The following CNTNAP4 variants were observed in gnomAD, a reference collection of about 807,000 sequenced individuals.
CNTNAP4 encodes contactin-associated protein-like 4.
Under a neutral mutation model 148.4 loss-of-function variants are expected in CNTNAP4, and 98 were observed. The ratio of observed to expected loss-of-function variants is 0.66; its 90% CI spans 0.56 to 0.78. The LOEUF is 0.78. CNTNAP4 is among the 30% of genes least tolerant of loss of function. CNTNAP4 has a pLI of 0.00. For missense variants in CNTNAP4, 1,935 were observed against 1,565.6 expected (o/e 1.24, Z -3.98); for synonymous variants, 730 against 565.1 (o/e 1.29, Z -4.14).
rs146482811 is a variant in CNTNAP4 at position 76,470,482 on chromosome 16, A to ATATATATATATATATATAT, written c.1655+2959_1655+2960insTATATATATATATATATAT. ...ATAGCAAAACCACGTCTCTACTAAT[A>ATATATATATATATATATAT]ATATATATATATATAAAATTAGTCG... On this transcript the variant is annotated intron_variant, in intron 10 of 23. Coordinates refer to ENST00000611870, the MANE Select transcript of CNTNAP4 (RefSeq NM_033401.5). Among the ~76,000 whole-genome samples, 89 of 96,974 alleles carry ATATATATATATATATATAT rather than the reference A, an allele frequency of 9.2e-4. 5 individuals are homozygous for ATATATATATATATATATAT. The East Asian group carries it at 0.01, about 11-fold the overall frequency. The allele number at this position is 96,974 out of a possible 152,430, so 63.6% of individuals were successfully genotyped here.
intron 3 of CNTNAP4, among the ~76,000 whole-genome samples, chr16:76,385,650 G>C (rs1180900742): frequency 6.6e-6 from 1 of 152,074 alleles, no homozygotes; most frequent in African/African-American, 2.4e-5. Flanking sequence ...CTGAATTAGA[G>C]AGTAGTGGGT....
intron 3 of CNTNAP4, among the ~76,000 whole-genome samples, chr16:76,366,391 T>G (rs2014138892): frequency 6.6e-6 from 1 of 152,198 alleles, no homozygotes. Context: ...GCATTTGGTT[T>G]TCTGTTCGTG....
chr16:76,492,595 G>A lies in CNTNAP4; in HGVS notation c.2081-2315G>A, dbSNP rs576879624. The stretch of plus-strand genomic sequence containing the variant: ...CACCTTGAATTGTAATAATCCTCAC[G>A]TGTCAAGGGCGGGGCCAGATGGAGA... On this transcript the variant is annotated intron_variant, in intron 13 of 23. Transcript: ENST00000611870. 5.3e-5 allele frequency among the ~76,000 whole-genome samples: 8 copies of A among 152,264 alleles called. No homozygotes were observed. In the South Asian group the frequency reaches 6.2e-4, roughly 12 times the overall value.
chr16:76,355,840 T>TTTTATTTATTTATTTATTTA (rs138725617), intron 3 of CNTNAP4, among the ~76,000 whole-genome samples: 3 of 141,718 alleles, frequency 2.1e-5, no homozygotes, highest in Non-Finnish European at 4.5e-5. Context: ...TTGCATTGTC[T>TTTTATTTATTTATTTATTTA]TTTATTTATT....
intron 1 of CNTNAP4, among the ~76,000 whole-genome samples, chr16:76,313,127 CTTTTG>C (rs927657950): frequency 5.3e-5 from 8 of 152,090 alleles, no homozygotes; most frequent in African/African-American, 1.7e-4. Context: ...AGTTCCCCTT[CTTTTG>C]TTTTAATTCC....
chr16:76,477,929 A>G (rs1506814), intron 11 of CNTNAP4, among the ~76,000 whole-genome samples: 65,900 of 152,070 alleles, frequency 0.43, 14,397 homozygotes, highest in South Asian at 0.56. Context: ...CCACAATTTG[A>G]TACAATAATT....
Position 76,465,149 on chromosome 16 carries a change from A to G in CNTNAP4, c.1484-2203A>G, listed in dbSNP as rs74456604. ...GACATATAGCGATAATTTATCTGTT[A>G]TCCTCGGAGGTGCTTAACATGCTGA... On this transcript the variant is annotated intron_variant, in intron 9 of 23. Transcript: ENST00000611870. Among the ~76,000 whole-genome samples, 143 of 152,298 alleles carry G rather than the reference A, an allele frequency of 9.4e-4. 3 individuals carry two copies. In the East Asian group the frequency reaches 0.025, roughly 26 times the overall value.
rs114488245 is a variant in CNTNAP4, at chr16:76,450,917, C to G, written c.1071+1059C>G. ...GGCCTGGCAGGGGAAGTGCGAGGAT[C>G]AGAGAAGTCATTAATTCTGCCCAAA... On this transcript the variant is annotated intron_variant, in intron 7 of 23. Coordinates refer to ENST00000611870, the MANE Select transcript of CNTNAP4 (RefSeq NM_033401.5). Among the ~76,000 whole-genome samples, 1,147 of 152,294 alleles carry G rather than the reference C, an allele frequency of 7.5e-3. 14 individuals carry two copies. The highest frequency in any genetic ancestry group is 0.026 in the African/African-American group (1,077 of 41,556).
chr16:76,434,628 A>T (rs1317321725), intron 4 of CNTNAP4, among the ~76,000 whole-genome samples: 5 of 152,222 alleles, frequency 3.3e-5, no homozygotes, highest in African/African-American at 1.2e-4. Context: ...TGATGTTGGC[A>T]CTAATCTCTG....
chr16:76,287,393 C>A (rs1958931596), intron 1 of CNTNAP4, among the ~76,000 whole-genome samples: 1 of 152,084 alleles, frequency 6.6e-6, no homozygotes. Flanking sequence ...ATTTTTTTAA[C>A]CTGTTCTCTT....
chr16:76,437,732 A>G (rs906248546), intron 4 of CNTNAP4, among the ~76,000 whole-genome samples: 5 of 152,160 alleles, frequency 3.3e-5, no homozygotes, highest in Non-Finnish European at 1.5e-5. Flanking sequence ...GTAACCAGAT[A>G]GAAGAGAGGA....
At chr16:76,407,242 C>T (rs973826562) in intron 3 of CNTNAP4, among the ~76,000 whole-genome samples, 3 of 152,080 alleles carry the variant, frequency 2.0e-5, no homozygotes, top group Non-Finnish European at 4.4e-5. Flanking sequence ...ACTATTGAAG[C>T]CTACCGGGCT....
intron 1 of CNTNAP4, among the ~76,000 whole-genome samples, chr16:76,280,341 G>A (rs943655085): frequency 2.6e-5 from 4 of 151,988 alleles, no homozygotes; most frequent in African/African-American, 9.7e-5. Flanking sequence ...TACATTAGAA[G>A]GATTCTGTTC....
At chr16:76,417,024 C>G (rs148441746) in intron 3 of CNTNAP4, among the ~76,000 whole-genome samples, 1 of 151,396 alleles carries the variant, frequency 6.6e-6, no homozygotes, top group East Asian at 1.9e-4. Context: ...AATGTAGCTC[C>G]TTCGGCTTTT....
intron 21 of CNTNAP4, among the ~76,000 whole-genome samples, chr16:76,542,887 C>T (rs1239697052): frequency 6.6e-6 from 1 of 152,076 alleles, no homozygotes; most frequent in Non-Finnish European, 1.5e-5. Flanking sequence ...GTTTTCTGTG[C>T]AAGATATTAT....
chr16:76,501,090 A>G (rs28650069), intron 15 of CNTNAP4, among the ~76,000 whole-genome samples: 4,149 of 152,280 alleles, frequency 0.027, 168 homozygotes, highest in African/African-American at 0.091. Flanking sequence ...TTATATATAC[A>G]TTGTAAATAC....
intron 17 of CNTNAP4, among the ~76,000 whole-genome samples, chr16:76,535,070 C>T (rs2084157657): frequency 6.6e-6 from 1 of 152,110 alleles, no homozygotes; most frequent in Non-Finnish European, 1.5e-5. Context: ...GAATGGATAA[C>T]AACCAAAGGA....
At chr16:76,461,466 C>T (rs994402866) in intron 8 of CNTNAP4, among the ~76,000 whole-genome samples, 3 of 152,034 alleles carry the variant, frequency 2.0e-5, no homozygotes, top group African/African-American at 7.2e-5. Context: ...TTTCACGGTG[C>T]TTTATATTTA....
Position 76,485,561 on chromosome 16 carries a change from C to G in CNTNAP4, c.1883-4125C>G, listed in dbSNP as rs552568702. Among the ~76,000 whole-genome samples, 9 of 152,236 alleles carry G rather than the reference C, an allele frequency of 5.9e-5. No homozygotes were observed. In the East Asian group the frequency reaches 1.5e-3, roughly 26 times the overall value. Reference sequence around the variant, plus strand: ...TTTCAAGTTTTTCTAAAAGTGAAAACTCTATGGGTTAAACTCACCCCTTCT... The same window carrying G: ...TTTCAAGTTTTTCTAAAAGTGAAAAGTCTATGGGTTAAACTCACCCCTTCT... On this transcript the variant is annotated intron_variant, in intron 12 of 23. Coordinates refer to ENST00000611870, the MANE Select transcript of CNTNAP4 (RefSeq NM_033401.5).
Sources: gnomAD v4.1 joint callset for allele counts (sites outside exome capture counted in the v4.1 genomes callset) on GRCh38, gnomAD v4.1.1 for gene constraint, MANE v1.5 for transcripts, NCBI Gene and HGNC (gene_info 2026-07-23, HGNC 2026-07-21) for gene names.